Variants in PDSS1 observed in about 807,000 individuals in gnomAD.
PDSS1 encodes all trans-polyprenyl-diphosphate synthase PDSS1.
A neutral mutation model predicts 57.5 loss-of-function variants in PDSS1; 43 were observed. The ratio of observed to expected loss-of-function variants is 0.75; its 90% CI spans 0.59 to 0.96. The LOEUF (loss-of-function observed/expected upper bound fraction) is 0.96. PDSS1 is among the 50% of genes least tolerant of loss of function. The pLI, the probability that PDSS1 is intolerant of heterozygous loss-of-function variation, is 0.00. For synonymous variants in PDSS1, 175 were observed against 191.3 expected (o/e 0.91, Z 0.70); for missense variants, 438 against 527.8 (o/e 0.83, Z 1.67).
At chr10:26,727,171 T>C (rs1835982359) in intron 8 of PDSS1, among the ~76,000 whole-genome samples, 1 of 152,122 alleles carries the variant, frequency 6.6e-6, no homozygotes, top group African/African-American at 2.4e-5. Flanking sequence ...ATACATTTTG[T>C]AGTTTACTAA....
chr10:26,724,964 G>GC (rs1835905794), intron 8 of PDSS1, among the ~76,000 whole-genome samples: 1 of 152,004 alleles, frequency 6.6e-6, no homozygotes, highest in South Asian at 2.1e-4. Flanking sequence ...TTGAGTATAA[G>GC]CCATAACTGT....
At chr10:26,707,097 GGT>G (rs1007853534) in intron 4 of PDSS1, among the ~76,000 whole-genome samples, 6 of 152,132 alleles carry the variant, frequency 3.9e-5, no homozygotes, top group African/African-American at 1.4e-4. Flanking sequence ...CTTCCCTTGG[GGT>G]GGGCTGCCCG....
intron 8 of PDSS1, among the ~76,000 whole-genome samples, chr10:26,724,827 C>T (rs1207435471): frequency 6.6e-6 from 1 of 152,170 alleles, no homozygotes; most frequent in Non-Finnish European, 1.5e-5. Context: ...ATCCACCCAC[C>T]TTGGCCCTGC....
At chr10:26,731,664 T>A (rs968707396) in intron 8 of PDSS1, among the ~76,000 whole-genome samples, 3 of 152,230 alleles carry the variant, frequency 2.0e-5, no homozygotes, top group African/African-American at 7.2e-5. Flanking sequence ...ACAGCCTTAC[T>A]AACTAAATGT....
intron 5 of PDSS1, chr10:26,718,748 T>G (rs1588685177): frequency 1.9e-5 from 2 of 105,650 alleles, no homozygotes; most frequent in East Asian, 2.6e-4. Context: ...GCAATAAGAG[T>G]GAAATTCCAT....
At chr10:26,725,704 C>T (rs907818746) in intron 8 of PDSS1, among the ~76,000 whole-genome samples, 1 of 151,984 alleles carries the variant, frequency 6.6e-6, no homozygotes, top group African/African-American at 2.4e-5. Context: ...CTTAATATTA[C>T]TTACTAATAT....
At chr10:26,720,991 A>G (rs1835760753) in intron 6 of PDSS1, among the ~76,000 whole-genome samples, 1 of 152,154 alleles carries the variant, frequency 6.6e-6, no homozygotes, top group South Asian at 2.1e-4. Flanking sequence ...CGCCATCACC[A>G]CACACGTGCT....
intron 10 of PDSS1, 86 bp from the exon 11 acceptor site, chr10:26,742,405 TATTTCC>T (rs1303148767): frequency 1.1e-5 from 10 of 923,110 alleles, no homozygotes. Context: ...TGTTTCTTGT[TATTTCC>T]TATTGTTACA....
chr10:26,706,882 C>T (rs2132223265), intron 4 of PDSS1, among the ~76,000 whole-genome samples: 1 of 152,204 alleles, frequency 6.6e-6, no homozygotes, highest in South Asian at 2.1e-4. Context: ...GACTGAGGGG[C>T]CTAAGGCAGA....
intron 8 of PDSS1, among the ~76,000 whole-genome samples, chr10:26,725,748 T>A (rs774811671): frequency 1.3e-5 from 2 of 152,174 alleles, no homozygotes; most frequent in Non-Finnish European, 2.9e-5. Flanking sequence ...GTGAGGCTCA[T>A]TGATAATTTC....
rs573823470 is a variant in PDSS1, at chr10:26,733,043, G to A, written c.832-2197G>A. Among the ~76,000 whole-genome samples, 103 of 152,252 alleles carry A rather than the reference G, an allele frequency of 6.8e-4. 2 individuals are homozygous for A. The highest frequency in any genetic ancestry group is 2.4e-3 in the African/African-American group (99 of 41,556). Reference sequence around the variant, plus strand: ...GTGGAGATTACAGTGAGCCCAGATCGTGCCGCTGCACTCTAGCCTGGGTGA... The same window carrying A: ...GTGGAGATTACAGTGAGCCCAGATCATGCCGCTGCACTCTAGCCTGGGTGA... On this transcript the variant is annotated intron_variant, in intron 8 of 11. Transcript: ENST00000376215.
At chr10:26,697,928 C>T (rs1834921058) in intron 1 of PDSS1, 88 bp downstream of exon 1, 2 of 1,160,796 alleles carry the variant, frequency 1.7e-6, no homozygotes, top group Non-Finnish European at 2.2e-6. Flanking sequence ...GCGGGGAGCA[C>T]GTGCGTCGCG....
At chr10:26,717,199 A>T (rs1835612183) in intron 5 of PDSS1, among the ~76,000 whole-genome samples, 1 of 152,190 alleles carries the variant, frequency 6.6e-6, no homozygotes, top group Non-Finnish European at 1.5e-5. Context: ...ATCAGTCAAC[A>T]ATTTAGCCAT....
Position 26,746,513 on chromosome 10 carries a change from T to A in PDSS1, c.*40T>A, listed in dbSNP as rs201474044. 10 of 1,606,926 alleles carry A rather than the reference T, an allele frequency of 6.2e-6. No individual in the cohort carries two copies. Among genetic ancestry groups the A allele is most frequent in the Non-Finnish European group, 8.5e-6 (10 of 1,173,778 alleles). ...CTTTCTGGCAGCTATCTTACCAGAC[T>A]GTGCCTAAAGAATTTTGTGGAATAC... On this transcript the variant is annotated 3_prime_UTR_variant, in exon 12 of 12. Transcript: ENST00000376215.
rs184637273 is a variant in PDSS1, at chr10:26,730,201, C to T, written c.832-5039C>T. Reference sequence around the variant, plus strand: ...TGCTGGGATTACAGGTGTGAGCCACCGCGCCCAGCCTAGTTGGATTCATTT... The same window carrying T: ...TGCTGGGATTACAGGTGTGAGCCACTGCGCCCAGCCTAGTTGGATTCATTT... On this transcript the variant is annotated intron_variant, in intron 8 of 11. Transcript: ENST00000376215. 2.9e-3 allele frequency among the ~76,000 whole-genome samples: 446 copies of T among 152,042 alleles called. 1 individual carries two copies. Among genetic ancestry groups the T allele is most frequent in the Middle Eastern group, 0.01 (3 of 294 alleles).
chr10:26,716,237 C>A (rs762468196), intron 5 of PDSS1, among the ~76,000 whole-genome samples: 3 of 152,152 alleles, frequency 2.0e-5, no homozygotes, highest in Non-Finnish European at 4.4e-5. Context: ...TCCCTCCCTA[C>A]ACACTGGGGG....
intron 2 of PDSS1, among the ~76,000 whole-genome samples, chr10:26,703,626 G>A (rs995125714): frequency 3.3e-5 from 5 of 152,134 alleles, no homozygotes; most frequent in Admixed American, 2.6e-4. Flanking sequence ...GTCATATAAA[G>A]CATGAAGGAG....
intron 8 of PDSS1, among the ~76,000 whole-genome samples, chr10:26,729,755 A>G (rs1460371001): frequency 6.6e-6 from 1 of 152,176 alleles, no homozygotes; most frequent in Non-Finnish European, 1.5e-5. Context: ...TATTTGGAAT[A>G]TATTAACCCA....
At chr10:26,726,273 A>G (rs1019049365) in intron 8 of PDSS1, among the ~76,000 whole-genome samples, 2 of 152,174 alleles carry the variant, frequency 1.3e-5, no homozygotes, top group Non-Finnish European at 2.9e-5. Context: ...TAAAAATGAA[A>G]TGTTTCATGC....
Sources: allele counts gnomAD v4.1 joint callset (sites outside exome capture counted in the v4.1 genomes callset), GRCh38; gene constraint gnomAD v4.1.1; transcripts MANE v1.5; gene names NCBI Gene and HGNC (gene_info 2026-07-23, HGNC 2026-07-21).